The following LPP variants were observed in gnomAD, a reference collection of about 807,000 sequenced individuals.
LPP encodes the protein LIM domain containing preferred translocation partner in lipoma.
LPP carries 38 observed loss-of-function variants against 60.4 expected under a neutral mutation model. The observed-to-expected ratio is 0.63, with a 90% CI of 0.49 to 0.83. LPP has a LOEUF of 0.83. LPP is among the 40% of genes least tolerant of loss of function. The pLI, the probability that LPP is intolerant of heterozygous loss-of-function variation, is 0.00. For missense variants in LPP, 902 were observed against 783.6 expected, an observed-to-expected ratio of 1.15 and a Z score of -1.80; for synonymous variants, 328 against 290.8, an observed-to-expected ratio of 1.13 and a Z score of -1.30.
At chr3:188,851,732 G>A (rs777374186) in intron 9 of LPP, among the ~76,000 whole-genome samples, 4 of 152,140 alleles carry the variant, frequency 2.6e-5, no homozygotes, top group Non-Finnish European at 4.4e-5. Context: ...CCTAGTCTTC[G>A]AAGAGTTTAT....
chr3:188,371,616 A>T (rs867823416), intron 3 of LPP, among the ~76,000 whole-genome samples: 1,020 of 24,484 alleles, frequency 0.042, 115 homozygotes, highest in African/African-American at 0.085. Context: ...GTGGTGGGAA[A>T]ATATATATAT....
At chr3:188,231,595 C>T (rs546667536) in intron 2 of LPP, among the ~76,000 whole-genome samples, 5 of 152,062 alleles carry the variant, frequency 3.3e-5, no homozygotes, top group South Asian at 2.1e-4. Flanking sequence ...TTGCTGTATG[C>T]GTGAGACACC....
At chr3:188,563,498 A>ATT (rs34289498) in intron 6 of LPP, among the ~76,000 whole-genome samples, 2 of 105,590 alleles carry the variant, frequency 1.9e-5, no homozygotes, top group East Asian at 2.0e-4. Context: ...TATATTATCT[A>ATT]TTTTTTTCAG....
At chr3:188,722,689 A>G (rs1040301691) in intron 8 of LPP, among the ~76,000 whole-genome samples, 1 of 152,212 alleles carries the variant, frequency 6.6e-6, no homozygotes, top group Admixed American at 6.5e-5. Flanking sequence ...TCTTCTATAG[A>G]ACCTCAGAGT....
chr3:188,472,980 T>C (rs1802232149), intron 4 of LPP: 1 of 152,192 alleles, frequency 6.6e-6, no homozygotes, highest in Admixed American at 6.5e-5. Context: ...GTTAAGATAT[T>C]TGGGGTCACA....
At chr3:188,506,048 TC>T (rs1813358998) in intron 5 of LPP, among the ~76,000 whole-genome samples, 1 of 152,170 alleles carries the variant, frequency 6.6e-6, no homozygotes, top group African/African-American at 2.4e-5. Flanking sequence ...TGTGTCTTTC[TC>T]AATACCTGAT....
chr3:188,546,658 T>G (rs112905302), intron 6 of LPP, among the ~76,000 whole-genome samples: 1,901 of 152,266 alleles, frequency 0.012, 14 homozygotes, highest in Middle Eastern at 0.041. Context: ...TAGGGGCCAA[T>G]ATTTGAAGAC....
chr3:188,752,775 T>G (rs16848791), intron 8 of LPP, among the ~76,000 whole-genome samples: 16,892 of 152,216 alleles, frequency 0.11, 1,045 homozygotes, highest in East Asian at 0.15. Flanking sequence ...CGGGACAAAC[T>G]ACTCTTGGTG....
intron 6 of LPP, among the ~76,000 whole-genome samples, chr3:188,562,990 G>A (rs539020488): frequency 3.9e-5 from 6 of 151,934 alleles, no homozygotes; most frequent in African/African-American, 1.4e-4. Context: ...GCAGTTTGTC[G>A]AGTGGCTTTA....
intron 10 of LPP, among the ~76,000 whole-genome samples, chr3:188,870,224 G>A (rs1767760218): frequency 6.6e-6 from 1 of 151,902 alleles, no homozygotes. Context: ...TTTGCAATAA[G>A]GATTTGTATA....
rs1386790976 is a variant in LPP, at chr3:188,708,311, A to AT, written c.1160dup (p.Arg388ProfsTer5). ...TGGGGCCTTCGTCAGTTGCCCCTTC[A>AT]TTCCGCCCAGAGGATGAGCTTGAGC... On this transcript the variant is annotated frameshift_variant, in exon 8 of 12. Coordinates refer to ENST00000617246, the MANE Select transcript of LPP (RefSeq NM_001375462.1). LOFTEE classifies it high-confidence loss of function. The AT allele has an allele frequency of 6.2e-7, 1 of 1,614,126 alleles. No homozygotes were observed. The highest frequency in any genetic ancestry group is 1.7e-5 in the Admixed American group (1 of 60,012).
chr3:188,277,274 G>A (rs1740305953), intron 2 of LPP, among the ~76,000 whole-genome samples: 1 of 151,992 alleles, frequency 6.6e-6, no homozygotes, highest in East Asian at 1.9e-4. Context: ...TTTAATACAG[G>A]GGCCCATCCA....
chr3:188,321,655 A>T (rs146972056), intron 2 of LPP, among the ~76,000 whole-genome samples: 1 of 150,372 alleles, frequency 6.7e-6, no homozygotes. Flanking sequence ...TTGCTGACTT[A>T]AAAAAAAAAT....
intron 7 of LPP, among the ~76,000 whole-genome samples, chr3:188,623,929 T>C (rs79242290): frequency 0.012 from 1,896 of 152,302 alleles, 33 homozygotes; most frequent in African/African-American, 0.043. Flanking sequence ...CCTGGCCAAG[T>C]ACCTATGAAT....
At chr3:188,202,363 A>C (rs1560105906) in intron 1 of LPP, among the ~76,000 whole-genome samples, 1 of 152,208 alleles carries the variant, frequency 6.6e-6, no homozygotes, top group Non-Finnish European at 1.5e-5. Flanking sequence ...GGCGTGCCAC[A>C]CAGATACTGT....
Position 188,353,125 on chromosome 3 carries a change from G to A in LPP, c.-10+11406G>A, listed in dbSNP as rs115162256. ...TTTTTGGAGTACTGTATAATGTCAA[G>A]TATTTTTCCAATAGTTTATATGTGA... is the stretch of plus-strand genomic sequence containing the variant. On this transcript the variant is annotated intron_variant, in intron 3 of 11. Coordinates refer to ENST00000617246, the MANE Select transcript of LPP (RefSeq NM_001375462.1). 4.3e-3 allele frequency among the ~76,000 whole-genome samples: 657 copies of A among 152,282 alleles called. 8 individuals are homozygous for A. Among genetic ancestry groups the A allele is most frequent in the African/African-American group, 0.015 (636 of 41,556 alleles).
chr3:188,564,543 G>A (rs1314864045), intron 6 of LPP, among the ~76,000 whole-genome samples: 1 of 151,910 alleles, frequency 6.6e-6, no homozygotes, highest in Non-Finnish European at 1.5e-5. Flanking sequence ...GTGTGTCTAA[G>A]TTCTTTTAAA....
Position 188,552,358 on chromosome 3 carries a change from G to T in LPP, c.429+27571G>T, listed in dbSNP as rs150187307. 1.1e-4 allele frequency among the ~76,000 whole-genome samples: 16 copies of T among 152,310 alleles called. No individual in the cohort carries two copies. The East Asian group carries it at 3.1e-3, about 29-fold the overall frequency. ...ATCTGGAAAACTTTATGGGAACTAAGTAGAGGATGCCATAAGGACCATTAA... is the reference window on the plus strand; with the variant it reads ...ATCTGGAAAACTTTATGGGAACTAATTAGAGGATGCCATAAGGACCATTAA... On this transcript the variant is annotated intron_variant, in intron 6 of 11. Coordinates refer to ENST00000617246, the MANE Select transcript of LPP (RefSeq NM_001375462.1).
Position 188,387,187 on chromosome 3 carries a change from T to C in LPP, c.-9-18925T>C, listed in dbSNP as rs575279447. ...ACAACATTCTATCAAGTTCAGAACA[T>C]GTAGACTGTAAAATTTTACACCTAC... On this transcript the variant is annotated intron_variant, in intron 3 of 11. Coordinates refer to ENST00000617246, the MANE Select transcript of LPP (RefSeq NM_001375462.1). Among the ~76,000 whole-genome samples, 39 of 152,238 alleles carry C rather than the reference T, an allele frequency of 2.6e-4. No homozygotes were observed. In the South Asian group the frequency reaches 6.8e-3, roughly 27 times the overall value.
Sources: gnomAD v4.1 joint callset for allele counts (sites outside exome capture counted in the v4.1 genomes callset) on GRCh38, gnomAD v4.1.1 for gene constraint, MANE v1.5 for transcripts, NCBI Gene and HGNC (gene_info 2026-07-23, HGNC 2026-07-21) for gene names.